Variants in DIMT1 observed in about 807,000 individuals in gnomAD.
The protein encoded by DIMT1 is dimethyladenosine transferase.
In DIMT1, 36 loss-of-function variants were observed where a neutral mutation model predicts 43.2. That is an observed-to-expected ratio of 0.83 (90% confidence interval 0.64 to 1.10). DIMT1 has a LOEUF of 1.10. Ranked by LOEUF, DIMT1 falls within the 50% of genes least tolerant of loss-of-function variation. The probability of loss-of-function intolerance (pLI) is 0.00; values close to 1 mark genes in which losing one functional copy is unlikely to be tolerated. For synonymous variants in DIMT1, 126 were observed against 130.3 expected (o/e 0.97, Z 0.22); for missense variants, 341 against 385.3 (o/e 0.88, Z 0.96).
In DIMT1 at chr5:62,387,383, T is replaced by C. The variant is rs1238518215; in HGVS notation, c.*1627A>G. ...CAACTTTCAAAGGGCAATAAAGACA[T>C]GTGAATTTGCTCATTTTAAAGCACA... On this transcript the variant is annotated 3_prime_UTR_variant, in exon 12 of 12. Transcript: ENST00000199320. 6.6e-6 allele frequency: 1 copy of C among 152,162 alleles called. No individual in the cohort carries two copies. The highest frequency in any genetic ancestry group is 1.5e-5 in the Non-Finnish European group (1 of 68,028). The allele number at this position is 152,162 out of a possible 1,614,324, so 9.4% of individuals were successfully genotyped here.
rs1178944672 is a variant in DIMT1, at chr5:62,388,252, C to T, written c.*758G>A. On this transcript the variant is annotated 3_prime_UTR_variant, in exon 12 of 12. Coordinates refer to ENST00000199320, the MANE Select transcript of DIMT1 (RefSeq NM_014473.4). ...TTGAAACCAGTTTCAATTACAAAAC[C>T]CTCTGAAATTTTGCTAAGCCTATAG... 1 of 152,058 alleles carries T rather than the reference C, an allele frequency of 6.6e-6. No homozygotes were observed. Among genetic ancestry groups the T allele is most frequent in the Non-Finnish European group, 1.5e-5 (1 of 67,996 alleles). The allele number at this position is 152,058 out of a possible 1,614,324, so 9.4% of individuals were successfully genotyped here.
intron 7 of DIMT1, 98 bp downstream of exon 7, chr5:62,394,386 T>C: frequency 7.7e-7 from 1 of 1,296,854 alleles, no homozygotes; most frequent in East Asian, 2.3e-5. Context: ...TGCTTGAGTA[T>C]GGGAGGCAGA....
At chr5:62,391,245 G>T (rs1449925268) in intron 10 of DIMT1, 3 of 338,576 alleles carry the variant, frequency 8.9e-6, no homozygotes, top group Admixed American at 8.8e-5. Flanking sequence ...ATAGTTATTA[G>T]TTTCAGACTT....
At chr5:62,401,358 G>T (rs1014852264) in intron 3 of DIMT1, among the ~76,000 whole-genome samples, 5 of 151,184 alleles carry the variant, frequency 3.3e-5, no homozygotes, top group African/African-American at 1.2e-4. Flanking sequence ...TAGCTGGTGT[G>T]GGGGCAGGTG....
chr5:62,396,136 C>A (rs185048), intron 6 of DIMT1, among the ~76,000 whole-genome samples: 28,607 of 100,594 alleles, frequency 0.28, 3,358 homozygotes, highest in Middle Eastern at 0.35. Context: ...CATGTCACTG[C>A]AGGTTTTTTT....
At chr5:62,398,428 C>T in intron 6 of DIMT1, 83 bp downstream of exon 6, 1 of 1,370,038 alleles carries the variant, frequency 7.3e-7, no homozygotes, top group Non-Finnish European at 1.0e-6. Flanking sequence ...TTTCAACTGA[C>T]CTGACTCATT....
intron 3 of DIMT1, among the ~76,000 whole-genome samples, chr5:62,400,425 T>C (rs1294122147): frequency 6.6e-6 from 1 of 152,068 alleles, no homozygotes; most frequent in African/African-American, 2.4e-5. Context: ...TTTCCTTTCT[T>C]TATTTTTAAT....
In DIMT1 at chr5:62,403,740, G is replaced by A. The variant is rs771835721; in HGVS notation, c.33C>T (p.Arg11=). 1 of 1,609,882 alleles carries A rather than the reference G, an allele frequency of 6.2e-7. No homozygotes were observed. The highest frequency in any genetic ancestry group is 1.1e-5 in the South Asian group (1 of 90,930). The change falls in exon 1 of 12, where the codon CGC becomes CGT. Residue 11 remains arginine (R), a synonymous_variant. Transcript: ENST00000199320. MPKVKSGAIG[R]RRGRQEQRRE... ...GGCGCTGCTCCTGCCGCCCGCGGCG[G>A]CGGCCGATGGCCCCCGACTTGACCT...
chr5:62,392,326 C>A, intron 9 of DIMT1, 92 bp from the exon 10 acceptor site: 1 of 917,180 alleles, frequency 1.1e-6, no homozygotes, highest in South Asian at 1.5e-5. Flanking sequence ...ATACATAAGC[C>A]ATTTAAGCAA....
In DIMT1 at chr5:62,403,884, G is replaced by C; in HGVS notation, c.-112C>G. On this transcript the variant is annotated 5_prime_UTR_variant, in exon 1 of 12. Coordinates refer to ENST00000199320, the MANE Select transcript of DIMT1 (RefSeq NM_014473.4). ...GCCACGCGCCGCCCGCACCACTCTG[G>C]CCCAAGCGCCGGAGGGGCAAGGGTC... is the stretch of plus-strand genomic sequence containing the variant. 1 of 1,171,752 alleles carries C rather than the reference G, an allele frequency of 8.5e-7. No individual in the cohort carries two copies. The highest frequency in any genetic ancestry group is 1.2e-6 in the Non-Finnish European group (1 of 837,196). The allele number at this position is 1,171,752 out of a possible 1,614,324, so 72.6% of individuals were successfully genotyped here.
At position 62,394,089 on chromosome 5, in the gene DIMT1, C is replaced by A. The variant is rs746150212; in HGVS notation, c.571-42G>T. The A allele has an allele frequency of 2.5e-6, 4 of 1,583,208 alleles. No homozygotes were observed. In the East Asian group the frequency reaches 6.7e-5, roughly 27 times the overall value. On this transcript the variant is annotated intron_variant, in intron 7 of 11. Coordinates refer to ENST00000199320, the MANE Select transcript of DIMT1 (RefSeq NM_014473.4). The stretch of plus-strand genomic sequence containing the variant: ...ATTTAAGTAGTACTCACAAAGGCAA[C>A]TTTTATTTAGTAACCAGATATGCTA...
intron 6 of DIMT1, among the ~76,000 whole-genome samples, chr5:62,396,177 T>C (rs1742486324): frequency 7.9e-6 from 1 of 125,800 alleles, no homozygotes; most frequent in Non-Finnish European, 1.6e-5. Context: ...GAAAAAAGAG[T>C]GCCCTTTCAA....
intron 9 of DIMT1, 77 bp downstream of exon 9, chr5:62,392,849 T>A: frequency 3.2e-6 from 3 of 950,212 alleles, no homozygotes; most frequent in Non-Finnish European, 5.0e-6. Context: ...GGGTAGCTGC[T>A]CAGGAAAAGG....
chr5:62,403,730 GC>G lies in DIMT1; in HGVS notation c.42del (p.Arg15GlyfsTer8). The G allele has an allele frequency of 2.5e-6, 4 of 1,609,344 alleles. No homozygotes were observed. The highest frequency in any genetic ancestry group is 3.4e-6 in the Non-Finnish European group (4 of 1,178,502). ...VKSGAIGRRR[G>X]RQEQRRELKS... Reference sequence around the variant, plus strand: ...TTCAGCTCCCGGCGCTGCTCCTGCCGCCCGCGGCGGCGGCCGATGGCCCCCG... The same window carrying G: ...TTCAGCTCCCGGCGCTGCTCCTGCCGCCGCGGCGGCGGCCGATGGCCCCCG... On this transcript the variant is annotated frameshift_variant, in exon 1 of 12. Transcript: ENST00000199320. LOFTEE classifies it high-confidence loss of function.
In DIMT1 at chr5:62,388,877, A is replaced by T; in HGVS notation, c.*133T>A. 1.3e-6 allele frequency: 1 copy of T among 764,162 alleles called. No individual in the cohort carries two copies. The highest frequency in any genetic ancestry group is 2.8e-5 in the Admixed American group (1 of 35,994). The allele number at this position is 764,162 out of a possible 1,614,324, so 47.3% of individuals were successfully genotyped here. On this transcript the variant is annotated 3_prime_UTR_variant, in exon 12 of 12. Transcript: ENST00000199320. ...AAATTCAGAATCATAAATGGTGACA[A>T]CAGTAGTAGTATTGAACCAAAAATA...
chr5:62,398,905 AT>A lies in DIMT1; in HGVS notation c.241-25del. 3 of 1,528,684 alleles carry A rather than the reference AT, an allele frequency of 2.0e-6. No individual in the cohort carries two copies. The East Asian group carries it at 7.3e-5, about 37-fold the overall frequency. The allele number at this position is 1,528,684 out of a possible 1,614,324, so 94.7% of individuals were successfully genotyped here. Reference sequence around the variant, plus strand: ...ACCTAATTTAAAAAAAATAAAAATTATTTAGGTTAATTATGGAATATAAATC... The same window carrying A: ...ACCTAATTTAAAAAAAATAAAAATTATTAGGTTAATTATGGAATATAAATC... On this transcript the variant is annotated intron_variant, in intron 3 of 11. Coordinates refer to ENST00000199320, the MANE Select transcript of DIMT1 (RefSeq NM_014473.4).
rs2112028509 is a variant in DIMT1 at position 62,389,035 on chromosome 5, T to A, written c.917A>T (p.Asn306Ile). ...CTAGGAAAAATGAATACCTTCTGCGTTGAATCCATGTAGCAATCTGAAAAA... is the reference window on the plus strand; with the variant it reads ...CTAGGAAAAATGAATACCTTCTGCGATGAATCCATGTAGCAATCTGAAAAA... ...DDFIRLLHGF[N>I]AEGIHFS The change falls in exon 12 of 12, where the codon AAC becomes ATC. Residue 306 changes from asparagine to isoleucine, a missense_variant. Asn to Ile is a moderately radical substitution (Grantham distance 149). Coordinates refer to ENST00000199320, the MANE Select transcript of DIMT1 (RefSeq NM_014473.4). 3 of 1,609,698 alleles carry A rather than the reference T, an allele frequency of 1.9e-6. No homozygotes were observed. The East Asian group carries it at 6.7e-5, about 36-fold the overall frequency.
At chr5:62,393,120 A>G in intron 8 of DIMT1, 130 bp from the exon 9 acceptor site, 1 of 540,482 alleles carries the variant, frequency 1.9e-6, no homozygotes, top group Non-Finnish European at 3.2e-6. Flanking sequence ...AATGTTCTGT[A>G]ATCTTGATCT....
intron 11 of DIMT1, among the ~76,000 whole-genome samples, chr5:62,389,652 A>G (rs1024028506): frequency 6.6e-6 from 1 of 152,162 alleles, no homozygotes; most frequent in African/African-American, 2.4e-5. Context: ...ACTCACTGGC[A>G]TTTGTTTCAA....
Sources: gnomAD v4.1 joint callset for allele counts (sites outside exome capture counted in the v4.1 genomes callset) on GRCh38, gnomAD v4.1.1 for gene constraint, MANE v1.5 for transcripts, NCBI Gene and HGNC (gene_info 2026-07-23, HGNC 2026-07-21) for gene names.